GPR173: variants seen among roughly 807,000 people sequenced by gnomAD.
The protein encoded by GPR173 is G protein-coupled receptor 173.
A neutral mutation model predicts 13.9 loss-of-function variants in GPR173; 2 were observed. The observed-to-expected ratio is 0.14, with a 90% confidence interval of 0.06 to 0.45. The LOEUF (loss-of-function observed/expected upper bound fraction) is 0.45. GPR173 is among the 20% of genes least tolerant of loss of function. The pLI is 0.98. For synonymous variants in GPR173, 131 were observed against 141.0 expected, an observed-to-expected ratio of 0.93 and a Z score of 0.50; for missense variants, 202 against 340.5, an observed-to-expected ratio of 0.59 and a Z score of 3.20.
intron 1 of GPR173, among the ~76,000 whole-genome samples, chrX:53,056,789 C>G (rs1932045670): frequency 9.0e-6 from 1 of 111,139 alleles, no homozygotes; most frequent in Non-Finnish European, 1.9e-5. Flanking sequence ...GCTGGAATGT[C>G]TGTAAATGTG....
rs912872343 is a variant in GPR173 at position 53,076,530 on chromosome X, A to G, written c.-92A>G. ...CCGCTCATTCCCATTTGCAGGTGCA[A>G]TGTAGCAGGACAACTCATGGAGCCC... On this transcript the variant is annotated 5_prime_UTR_variant, in exon 2 of 2. The change abolishes an upstream ATG in the 5' untranslated region. Transcript: ENST00000332582. 7.7e-6 allele frequency: 5 copies of G among 649,867 alleles called. No homozygotes were observed. The highest frequency in any genetic ancestry group is 1.2e-5 in the Non-Finnish European group (5 of 433,667). The allele number at this position is 649,867 out of a possible 1,213,427, so 53.6% of individuals were successfully genotyped here.
chrX:53,055,217 G>A (rs1932016112), intron 1 of GPR173, among the ~76,000 whole-genome samples: 1 of 110,526 alleles, frequency 9.0e-6, no homozygotes, highest in Admixed American at 9.7e-5. Context: ...GGAAGAGCAT[G>A]TATGTGTATC....
chrX:53,067,653 GTC>G (rs1569222735), intron 1 of GPR173, among the ~76,000 whole-genome samples: 1 of 110,618 alleles, frequency 9.0e-6, no homozygotes, highest in Non-Finnish European at 1.9e-5. Context: ...GTGAAACCCC[GTC>G]TCTACTAAAA....
intron 1 of GPR173, among the ~76,000 whole-genome samples, chrX:53,055,387 G>A (rs369163270): frequency 1.8e-5 from 2 of 110,307 alleles, no homozygotes; most frequent in Non-Finnish European, 3.8e-5. Context: ...GGGTGTATCT[G>A]GATGGTAGGT....
At chrX:53,074,457 A>T (rs377039664) in intron 1 of GPR173, among the ~76,000 whole-genome samples, 1 of 2,479 alleles carries the variant, frequency 4.0e-4, no homozygotes, top group Admixed American at 0.021. Context: ...TTTATAAATA[A>T]CTATAAATAT....
At chrX:53,055,772 C>T (rs1932024472) in intron 1 of GPR173, among the ~76,000 whole-genome samples, 1 of 109,052 alleles carries the variant, frequency 9.2e-6, no homozygotes, top group South Asian at 3.9e-4. Flanking sequence ...TCTCCATGGT[C>T]TATATGGGAT....
intron 1 of GPR173, among the ~76,000 whole-genome samples, chrX:53,074,047 A>C (rs782686332): frequency 3.5e-4 from 14 of 40,432 alleles, no homozygotes; most frequent in Admixed American, 8.5e-4. Context: ...TATAAATATA[A>C]ATATATATTT....
chrX:53,050,341 GTC>G (rs782385411), intron 1 of GPR173, among the ~76,000 whole-genome samples: 62 of 112,050 alleles, frequency 5.5e-4, no homozygotes, highest in African/African-American at 2.0e-3. Context: ...AAGGCTCTCT[GTC>G]TCTGTTTCAG....
At chrX:53,064,417 A>G (rs991048537) in intron 1 of GPR173, among the ~76,000 whole-genome samples, 2 of 110,030 alleles carry the variant, frequency 1.8e-5, no homozygotes, top group African/African-American at 6.6e-5. Flanking sequence ...AAAAATACAA[A>G]AATTAGCTGG....
intron 1 of GPR173, among the ~76,000 whole-genome samples, chrX:53,068,952 CTT>C (rs144589965): frequency 2.9e-3 from 191 of 64,892 alleles, no homozygotes; most frequent in Non-Finnish European, 4.1e-3. Context: ...GACCTTGTCT[CTT>C]TTTTTTTTTT....
intron 1 of GPR173, among the ~76,000 whole-genome samples, chrX:53,056,648 C>G (rs1932043954): frequency 9.1e-6 from 1 of 109,944 alleles, no homozygotes; most frequent in East Asian, 2.9e-4. Flanking sequence ...GTGAGTGTAT[C>G]TGTGTGTGAG....
intron 1 of GPR173, among the ~76,000 whole-genome samples, chrX:53,061,973 A>AGAAGGGAAGAGAAGG (rs1230296382): frequency 3.5e-4 from 30 of 86,490 alleles, no homozygotes; most frequent in East Asian, 6.4e-4. Context: ...GAGAGAGAAG[A>AGAAGGGAAGAGAAGG]GAAGGGAAGG....
At chrX:53,076,165 A>T (rs1556805770) in intron 1 of GPR173, among the ~76,000 whole-genome samples, 2 of 111,089 alleles carry the variant, frequency 1.8e-5, no homozygotes, top group Admixed American at 9.5e-5. Context: ...GGCACCAGCC[A>T]GGGCATAATT....
At chrX:53,057,590 A>C (rs1556803327) in intron 1 of GPR173, among the ~76,000 whole-genome samples, 1 of 104,344 alleles carries the variant, frequency 9.6e-6, no homozygotes, top group Non-Finnish European at 2.0e-5. Context: ...AAAAAAAAAA[A>C]CCACACACAC....
chrX:53,059,197 T>C (rs1421432200), intron 1 of GPR173, among the ~76,000 whole-genome samples: 1 of 106,754 alleles, frequency 9.4e-6, no homozygotes, highest in East Asian at 3.0e-4. Flanking sequence ...TGCAGTGAGC[T>C]GAGATCGCGC....
rs782051170 is a variant in GPR173, at chrX:53,054,148, A to ATGTGTGTGTG, written c.-98+4674_-98+4683dup. Among the ~76,000 whole-genome samples, 1,020 of 106,691 alleles carry ATGTGTGTGTG rather than the reference A, an allele frequency of 9.6e-3. 7 individuals are homozygous for ATGTGTGTGTG. Among genetic ancestry groups the ATGTGTGTGTG allele is most frequent in the African/African-American group, 0.024 (697 of 29,034 alleles). The allele number at this position is 106,691 out of a possible 115,157, so 92.6% of individuals were successfully genotyped here. ...AAGTATCTTAATAGAGTGTGTGTGT[A>ATGTGTGTGTG]TGTGTGTGTGTGTGTGTGTAGACTG... On this transcript the variant is annotated intron_variant, in intron 1 of 1. Transcript: ENST00000332582.
intron 1 of GPR173, among the ~76,000 whole-genome samples, chrX:53,058,854 A>T: frequency 9.1e-6 from 1 of 109,914 alleles, no homozygotes; most frequent in Non-Finnish European, 1.9e-5. Flanking sequence ...GTATGTATGT[A>T]TGTAAGTGCC....
chrX:53,077,173 T>C lies in GPR173; in HGVS notation c.552T>C (p.Asn184=), dbSNP rs782538798. 1.7e-6 allele frequency: 2 copies of C among 1,206,391 alleles called. No individual in the cohort carries two copies. Among genetic ancestry groups the C allele is most frequent in the Non-Finnish European group, 2.2e-6 (2 of 891,795 alleles). ...TTGAGCATCGCTACTTCAAGGCCAA[T>C]GACACGCTGGGCTTCATGCTTATGT... ...CIFEHRYFKA[N]DTLGFMLMLA... Residue 184 remains asparagine (N), a synonymous_variant, in exon 2 of 2, where the codon AAT becomes AAC. Transcript: ENST00000332582.
In GPR173 at chrX:53,075,163, A is replaced by C. The variant is rs1005139853; in HGVS notation, c.-97-1362A>C. ...ACAGTGGCTTCCTTGCTCTTCCTCA[A>C]ATATGCCATGTAGAGTCCCACCTCA... On this transcript the variant is annotated intron_variant, in intron 1 of 1. Coordinates refer to ENST00000332582, the MANE Select transcript of GPR173 (RefSeq NM_018969.6). Among the ~76,000 whole-genome samples, 7 of 107,168 alleles carry C rather than the reference A, an allele frequency of 6.5e-5. No individual in the cohort carries two copies. In the South Asian group the frequency reaches 3.0e-3, roughly 45 times the overall value. The allele number at this position is 107,168 out of a possible 115,157, so 93.1% of individuals were successfully genotyped here.
Sources: allele counts gnomAD v4.1 joint callset (sites outside exome capture counted in the v4.1 genomes callset), GRCh38; gene constraint gnomAD v4.1.1; transcripts MANE v1.5; gene names NCBI Gene and HGNC (gene_info 2026-07-23, HGNC 2026-07-21).